CD163L1: variants seen among roughly 807,000 people sequenced by gnomAD.
CD163L1 encodes the protein scavenger receptor cysteine-rich type 1 protein M160.
A neutral mutation model predicts 165.4 loss-of-function variants in CD163L1; 124 were observed. The observed-to-expected ratio is 0.75, with a 90% confidence interval of 0.65 to 0.87. CD163L1 has a LOEUF of 0.87. Ranked by LOEUF, CD163L1 falls within the 40% of genes least tolerant of loss-of-function variation. The probability of loss-of-function intolerance (pLI) is 0.00; values close to 1 mark genes in which losing one functional copy is unlikely to be tolerated. For synonymous variants in CD163L1, 585 were observed against 662.2 expected (o/e 0.88, Z 1.79); for missense variants, 1,525 against 1,799.9 (o/e 0.85, Z 2.76).
intron 9 of CD163L1, 84 bp downstream of exon 9, chr12:7,378,894 T>TA: frequency 1.5e-6 from 2 of 1,320,266 alleles, no homozygotes; most frequent in Non-Finnish European, 2.1e-6. Flanking sequence ...CTAATACTGT[T>TA]AAATAGCCAC....
chr12:7,328,216 C>A, the CD163L1 span: 1 of 1,192,014 alleles, frequency 8.4e-7, no homozygotes, highest in Non-Finnish European at 1.2e-6. Context: ...TCCATGCAAG[C>A]TCCTTCCTAT....
In CD163L1 at chr12:7,369,351, A is replaced by G. The variant is rs1287122928; in HGVS notation, c.4039+6T>C. On this transcript the variant is annotated splice_donor_region_variant and intron_variant, in intron 15 of 19. Coordinates refer to ENST00000313599, the MANE Select transcript of CD163L1 (RefSeq NM_174941.6). The surrounding 1 kb of genome is among the most constrained non-coding windows in gnomAD (Gnocchi z 4.9). ...CTCAGTTTAAGTGCAGCCTTTTCAC[A>G]CTTACCAGAGCACCTCACGCCAGCA... 1 of 1,612,726 alleles carries G rather than the reference A, an allele frequency of 6.2e-7. No individual in the cohort carries two copies. The highest frequency in any genetic ancestry group is 8.5e-7 in the Non-Finnish European group (1 of 1,179,090).
chr12:7,357,857 G>A (rs1946809890), intron 18 of CD163L1, among the ~76,000 whole-genome samples: 1 of 152,086 alleles, frequency 6.6e-6, no homozygotes, highest in Non-Finnish European at 1.5e-5. Flanking sequence ...TTAGGGAATT[G>A]TTCCATTTTT....
chr12:7,373,544 C>T lies in CD163L1; in HGVS notation c.3506G>A (p.Arg1169Lys), dbSNP rs371725390. 6.8e-6 allele frequency: 11 copies of T among 1,614,218 alleles called. No individual in the cohort carries two copies. Among genetic ancestry groups the T allele is most frequent in the African/African-American group, 1.3e-5 (1 of 75,058 alleles). Residue 1169 changes from arginine to lysine, a missense_variant, in exon 14 of 20, where the codon AGG becomes AAG. By Grantham distance (26) the Arg-to-Lys change is conservative. Transcript: ENST00000313599. ...FYNGTWGSVG[R>K]RNITTAIAGI... is the part of the protein sequence containing the mutation. ...TGCTATGGCTGTGGTGATGTTCCTC[C>T]TGCCGACGCTGCCCCAGGTCCCGTT... is the stretch of plus-strand genomic sequence containing the variant.
the CD163L1 span, among the ~76,000 whole-genome samples, chr12:7,337,648 A>C: frequency 6.6e-6 from 1 of 152,252 alleles, no homozygotes; most frequent in Non-Finnish European, 1.5e-5. Context: ...AATGGTGATC[A>C]TTAAAAAGTC....
intron 2 of CD163L1, among the ~76,000 whole-genome samples, chr12:7,435,099 C>T (rs1451159547): frequency 6.6e-6 from 1 of 152,026 alleles, no homozygotes; most frequent in African/African-American, 2.4e-5. Flanking sequence ...TACACACACA[C>T]ACAGAGATAT....
chr12:7,399,979 T>C (rs1947885625), intron 6 of CD163L1, among the ~76,000 whole-genome samples: 1 of 152,198 alleles, frequency 6.6e-6, no homozygotes, highest in East Asian at 1.9e-4. Flanking sequence ...CTAAAAGTGT[T>C]CAATTTCTTT....
chr12:7,395,007 T>G (rs1423732266), intron 8 of CD163L1, among the ~76,000 whole-genome samples: 1 of 152,166 alleles, frequency 6.6e-6, no homozygotes, highest in Non-Finnish European at 1.5e-5. Context: ...GAGTGTAAAT[T>G]AGTTCAACCA....
chr12:7,386,671 T>C (rs181137129), intron 8 of CD163L1, among the ~76,000 whole-genome samples: 7 of 147,052 alleles, frequency 4.8e-5, no homozygotes, highest in African/African-American at 1.7e-4. Context: ...TGATTGAACA[T>C]ATGCAAATCA....
intron 8 of CD163L1, among the ~76,000 whole-genome samples, chr12:7,382,913 C>T (rs1947441131): frequency 6.6e-6 from 1 of 152,186 alleles, no homozygotes; most frequent in Non-Finnish European, 1.5e-5. Context: ...CCCCAGCCAT[C>T]TATTCCACAC....
Position 7,374,562 on chromosome 12 carries a change from GCC to G in CD163L1, c.3287_3288del (p.Gly1096AlafsTer6). On this transcript the variant is annotated frameshift_variant, in exon 13 of 20. Coordinates refer to ENST00000313599, the MANE Select transcript of CD163L1 (RefSeq NM_174941.6). LOFTEE classifies it high-confidence loss of function. The surrounding 1 kb of genome is among the most constrained non-coding windows in gnomAD (Gnocchi z 5.4). ...TVSAHFGEGS[G>X]PIWLDDLNCT... is the part of the protein sequence containing the mutation. ...CAGTTCAGGTCATCCAGCCAGATGGGCCCTGACCCCTCCCCAAAGTGAGCAGA... is the reference window on the plus strand; with the variant it reads ...CAGTTCAGGTCATCCAGCCAGATGGGCTGACCCCTCCCCAAAGTGAGCAGA... 2 of 1,614,200 alleles carry G rather than the reference GCC, an allele frequency of 1.2e-6. No individual in the cohort carries two copies. The highest frequency in any genetic ancestry group is 1.7e-6 in the Non-Finnish European group (2 of 1,180,032).
chr12:7,374,746 C>T lies in CD163L1; in HGVS notation c.3105G>A (p.Arg1035=). 1 of 1,613,598 alleles carries T rather than the reference C, an allele frequency of 6.2e-7. No individual in the cohort carries two copies. Among genetic ancestry groups the T allele is most frequent in the Non-Finnish European group, 8.5e-7 (1 of 1,179,652 alleles). ...GSALICLEDK[R]LRLVDGDSRC... is the part of the protein sequence containing the mutation. ...GGCTGTCCCCATCCACTAGGCGGAG[C>T]CGTTTGTCCTCTTAGAGGAGAAAGT... The change falls in exon 13 of 20, where the codon CGG becomes CGA. Residue 1035 remains arginine (R), a synonymous_variant. Transcript: ENST00000313599. The surrounding 1 kb of genome is among the most constrained non-coding windows in gnomAD (Gnocchi z 5.4).
At position 7,400,117 on chromosome 12, in the gene CD163L1, A is replaced by C. The variant is rs1947889241; in HGVS notation, c.1409-1533T>G. On this transcript the variant is annotated intron_variant, in intron 6 of 19. Transcript: ENST00000313599. This position sits in a 1 kb window ranked among gnomAD's most constrained non-coding sequence, Gnocchi z 4.1. ...GATTGCATAGGATACCATCATATAG[A>C]GATATAGAGATTCTGTAAGTTATTT... Among the ~76,000 whole-genome samples the C allele has an allele frequency of 6.6e-6, 1 of 152,146 alleles. No homozygotes were observed. The highest frequency in any genetic ancestry group is 2.4e-5 in the African/African-American group (1 of 41,438).
At position 7,373,320 on chromosome 12, in the gene CD163L1, C is replaced by G; in HGVS notation, c.3730G>C (p.Asp1244His). The G allele has an allele frequency of 6.2e-7, 1 of 1,600,934 alleles. No individual in the cohort carries two copies. Among genetic ancestry groups the G allele is most frequent in the Non-Finnish European group, 8.5e-7 (1 of 1,171,548 alleles). The change falls in exon 14 of 20, where the codon GAT becomes CAT. Residue 1244 changes from aspartate (D) to histidine (H), a missense_variant and splice_region_variant. By Grantham distance (81) the Asp-to-His change is moderately conservative. Transcript: ENST00000313599. ...PAEETWITCE[D>H]RIRVRGGDTE... ...AGCTGGTGTTTAGAAAGATACCCACCTTCACATGTGATCCAGGTCTCTTCT... is the reference window on the plus strand; with the variant it reads ...AGCTGGTGTTTAGAAAGATACCCACGTTCACATGTGATCCAGGTCTCTTCT...
intron 4 of CD163L1, among the ~76,000 whole-genome samples, chr12:7,424,140 G>A (rs577105275): frequency 2.2e-4 from 34 of 151,998 alleles, no homozygotes; most frequent in East Asian, 5.8e-4. Context: ...CGATCAAATC[G>A]GCTTCATCCC....
At chr12:7,345,367 C>T (rs947755608), downstream of CD163L1, among the ~76,000 whole-genome samples, 4 of 152,180 alleles carry the variant, frequency 2.6e-5, no homozygotes, top group Non-Finnish European at 5.9e-5. Context: ...ATCCCTAGGG[C>T]ATGAACAGAA....
intron 4 of CD163L1, among the ~76,000 whole-genome samples, chr12:7,429,057 G>A (rs1291129014): frequency 6.6e-6 from 1 of 151,970 alleles, no homozygotes; most frequent in African/African-American, 2.4e-5. Context: ...CAGAAGATAT[G>A]TGTAGCAAAG....
chr12:7,396,316 T>C lies in CD163L1; in HGVS notation c.1829A>G (p.Asp610Gly). Residue 610 changes from aspartate to glycine, a missense_variant, in exon 8 of 20, where the codon GAC becomes GGC. Physicochemically the swap from Asp to Gly is moderately conservative, Grantham distance 94. Coordinates refer to ENST00000313599, the MANE Select transcript of CD163L1 (RefSeq NM_174941.6). ...FQGRWGTVCD[D>G]GWNSKAAAVV... ...AGCTGCAGCTTTACTGTTCCAGCCGTCATCACACACTGTGCCCCACCGTCC... is the reference window on the plus strand; with the variant it reads ...AGCTGCAGCTTTACTGTTCCAGCCGCCATCACACACTGTGCCCCACCGTCC... The C allele has an allele frequency of 1.2e-6, 2 of 1,614,158 alleles. No individual in the cohort carries two copies. The highest frequency in any genetic ancestry group is 2.2e-5 in the East Asian group (1 of 44,868).
chr12:7,439,255 T>C, intron 2 of CD163L1: 2 of 1,559,990 alleles, frequency 1.3e-6, no homozygotes, highest in Non-Finnish European at 1.7e-6. Flanking sequence ...TCTATTTTCT[T>C]TGGGATCTTC....
Sources: gnomAD v4.1 joint callset for allele counts (sites outside exome capture counted in the v4.1 genomes callset) on GRCh38, gnomAD v4.1.1 for gene constraint, Gnocchi (gnomAD v3.1) non-coding constraint, MANE v1.5 for transcripts, NCBI Gene and HGNC (gene_info 2026-07-23, HGNC 2026-07-21) for gene names.